Variants in NRXN1 observed in about 807,000 individuals in gnomAD.
The protein encoded by NRXN1 is neurexin 1, also known as neurexin-1.
NRXN1 carries 39 observed loss-of-function variants against 150.9 expected under a neutral mutation model. The observed-to-expected ratio is 0.26, with a 90% confidence interval of 0.20 to 0.34. The LOEUF is 0.34. NRXN1 is among the 10% of genes least tolerant of loss of function. The pLI, the probability that NRXN1 is intolerant of heterozygous loss-of-function variation, is 1.00. For synonymous variants in NRXN1, 924 were observed against 757.0 expected, an observed-to-expected ratio of 1.22 and a Z score of -3.62; for missense variants, 1,815 against 1,949.9, an observed-to-expected ratio of 0.93 and a Z score of 1.30.
intron 18 of NRXN1, among the ~76,000 whole-genome samples, chr2:50,208,984 T>C (rs1377785822): frequency 1.2e-4 from 18 of 152,116 alleles, no homozygotes. Context: ...TTTCCTTTAT[T>C]GCACACCTCT....
chr2:50,655,667 T>C (rs1686336426), intron 5 of NRXN1, among the ~76,000 whole-genome samples: 2 of 149,682 alleles, frequency 1.3e-5, no homozygotes. Flanking sequence ...ATTTTTCTTT[T>C]GGGGGGGGAG....
intron 9 of NRXN1, among the ~76,000 whole-genome samples, chr2:50,542,932 G>A (rs966656686): frequency 3.9e-5 from 6 of 152,040 alleles, no homozygotes; most frequent in South Asian, 2.1e-4. Flanking sequence ...TAAGGTTCCC[G>A]TGTGCTTATT....
At chr2:50,773,691 T>C (rs1380053579) in intron 5 of NRXN1, among the ~76,000 whole-genome samples, 5 of 152,096 alleles carry the variant, frequency 3.3e-5, no homozygotes, top group African/African-American at 1.2e-4. Flanking sequence ...GCCTGTTTTT[T>C]GACCTCAAAA....
At chr2:50,179,869 T>C (rs986895760) in intron 18 of NRXN1, among the ~76,000 whole-genome samples, 2 of 152,132 alleles carry the variant, frequency 1.3e-5, no homozygotes, top group African/African-American at 4.8e-5. Flanking sequence ...CTGCTGCTCC[T>C]CCTTCCCTTT....
intron 17 of NRXN1, among the ~76,000 whole-genome samples, chr2:50,310,666 G>A (rs1234066826): frequency 6.6e-6 from 1 of 152,032 alleles, no homozygotes; most frequent in African/African-American, 2.4e-5. Context: ...TACTGTTATT[G>A]GAGAACATTT....
chr2:50,266,842 G>T (rs1248472838), intron 17 of NRXN1, among the ~76,000 whole-genome samples: 1 of 152,150 alleles, frequency 6.6e-6, no homozygotes, highest in African/African-American at 2.4e-5. Context: ...AGCATAAAGG[G>T]AGCATAACTC....
At chr2:50,719,421 A>G (rs1696322578) in intron 5 of NRXN1, among the ~76,000 whole-genome samples, 1 of 152,148 alleles carries the variant, frequency 6.6e-6, no homozygotes, top group Non-Finnish European at 1.5e-5. Context: ...TGGAACCTGT[A>G]ATCCCAGCAC....
chr2:50,063,573 C>CACACACAA (rs1322771164), intron 19 of NRXN1, among the ~76,000 whole-genome samples: 1 of 151,636 alleles, frequency 6.6e-6, no homozygotes, highest in African/African-American at 2.4e-5. Flanking sequence ...CACACACACA[C>CACACACAA]ACACACACAC....
intron 21 of NRXN1, among the ~76,000 whole-genome samples, chr2:49,986,762 C>T (rs1020603661): frequency 6.6e-6 from 1 of 152,142 alleles, no homozygotes; most frequent in Admixed American, 6.6e-5. Context: ...TCTCTTCTAG[C>T]TTTTTGAAAA....
At chr2:50,876,985 T>C (rs1001647242) in intron 5 of NRXN1, among the ~76,000 whole-genome samples, 1 of 151,918 alleles carries the variant, frequency 6.6e-6, no homozygotes, top group Non-Finnish European at 1.5e-5. Context: ...TCTTATTTTC[T>C]TCCTCCACAT....
At chr2:50,560,815 CT>C (rs771531695) in intron 8 of NRXN1, among the ~76,000 whole-genome samples, 20 of 152,092 alleles carry the variant, frequency 1.3e-4, no homozygotes, top group South Asian at 2.1e-4. Flanking sequence ...TTTTTTTCCC[CT>C]GATCTAATCT....
At chr2:50,270,084 T>A (rs2069388726) in intron 17 of NRXN1, among the ~76,000 whole-genome samples, 1 of 152,166 alleles carries the variant, frequency 6.6e-6, no homozygotes, top group Non-Finnish European at 1.5e-5. Context: ...CCATTATGTG[T>A]TGAAGGAAAT....
chr2:50,961,336 A>AT (rs202243138), intron 2 of NRXN1, among the ~76,000 whole-genome samples: 2,985 of 151,904 alleles, frequency 0.02, 49 homozygotes, highest in Non-Finnish European at 0.029. Context: ...GGTGATGCTG[A>AT]TGCTTCTAAT....
chr2:50,687,657 T>C (rs1015366461), intron 5 of NRXN1, among the ~76,000 whole-genome samples: 1 of 152,234 alleles, frequency 6.6e-6, no homozygotes, highest in Non-Finnish European at 1.5e-5. Context: ...GACTTTAATG[T>C]GCAGTTTTTG....
In NRXN1 at chr2:50,491,189, C is replaced by G. The variant is rs17040740; in HGVS notation, c.3070+4716G>C. On this transcript the variant is annotated intron_variant, in intron 15 of 22. Transcript: ENST00000401669. ...TGGGCATGTTTAAATGTGATTATGA[C>G]TTTGAATAGAATCTGGTTTACTGAA... Among the ~76,000 whole-genome samples, 322 of 152,190 alleles carry G rather than the reference C, an allele frequency of 2.1e-3. 10 individuals are homozygous for G. In the East Asian group the frequency reaches 0.057, roughly 27 times the overall value.
chr2:49,951,338 AT>A (rs1368906830), intron 21 of NRXN1, among the ~76,000 whole-genome samples: 1 of 152,016 alleles, frequency 6.6e-6, no homozygotes, highest in Non-Finnish European at 1.5e-5. Context: ...TGTTTAAAAA[AT>A]ATGTTTTTTA....
At chr2:50,576,406 A>G (rs1358236836) in intron 8 of NRXN1, among the ~76,000 whole-genome samples, 1 of 152,124 alleles carries the variant, frequency 6.6e-6, no homozygotes, top group Non-Finnish European at 1.5e-5. Context: ...ACAAAACCCT[A>G]TAATTCCTTT....
intron 2 of NRXN1, among the ~76,000 whole-genome samples, chr2:50,975,040 T>C (rs1023337144): frequency 6.6e-6 from 1 of 152,002 alleles, no homozygotes; most frequent in African/African-American, 2.4e-5. Context: ...CCCAAGACTC[T>C]TCCAGGGAAT....
intron 17 of NRXN1, among the ~76,000 whole-genome samples, chr2:50,433,596 A>T (rs2160443): frequency 0.3 from 43,848 of 145,878 alleles, 6,670 homozygotes; most frequent in East Asian, 0.4. Flanking sequence ...CTTCCCAGGG[A>T]GTTATGGGCA....
Sources: gnomAD v4.1 joint callset for allele counts (sites outside exome capture counted in the v4.1 genomes callset) on GRCh38, gnomAD v4.1.1 for gene constraint, MANE v1.5 for transcripts, NCBI Gene and HGNC (gene_info 2026-07-23, HGNC 2026-07-21) for gene names.